ACACA: variants seen among roughly 807,000 people sequenced by gnomAD.
ACACA encodes the protein acetyl-CoA carboxylase 1.
ACACA carries 103 observed loss-of-function variants against 296.1 expected under a neutral mutation model. That is an observed-to-expected ratio of 0.35 (90% CI 0.30 to 0.41). The LOEUF is 0.41. Among genes scored for constraint, ACACA ranks in the 10% least tolerant of loss-of-function variants. ACACA has a pLI of 1.00. For missense variants in ACACA, 1,554 were observed against 2,989.7 expected, an observed-to-expected ratio of 0.52 and a Z score of 11.20; for synonymous variants, 953 against 1,038.6, an observed-to-expected ratio of 0.92 and a Z score of 1.58.
chr17:37,382,798 TG>T (rs2050359289), intron 1 of ACACA, among the ~76,000 whole-genome samples: 1 of 152,124 alleles, frequency 6.6e-6, no homozygotes, highest in Non-Finnish European at 1.5e-5. Flanking sequence ...ATGCAGAGGT[TG>T]TAGGGAGCTG....
At chr17:37,403,399 T>C (rs2051357810) in intron 1 of ACACA, among the ~76,000 whole-genome samples, 1 of 146,710 alleles carries the variant, frequency 6.8e-6, no homozygotes, top group African/African-American at 2.6e-5. Flanking sequence ...TGGTACAGTG[T>C]CTCACTCTGT....
chr17:37,317,498 G>A lies in ACACA; in HGVS notation c.338+12675C>T, dbSNP rs185248189. On this transcript the variant is annotated intron_variant, in intron 3 of 55. Coordinates refer to ENST00000616317, the MANE Select transcript of ACACA (RefSeq NM_198834.3). The stretch of plus-strand genomic sequence containing the variant: ...CGAGAATCGCTTGAACCCGGGAGGC[G>A]GAGGCAGTGAGCCAAGATCATGCCA... 5.3e-5 allele frequency among the ~76,000 whole-genome samples: 8 copies of A among 151,334 alleles called. No homozygotes were observed. The East Asian group carries it at 7.9e-4, about 15-fold the overall frequency.
At chr17:37,119,690 C>T (rs1184708277) in intron 50 of ACACA, among the ~76,000 whole-genome samples, 4 of 151,190 alleles carry the variant, frequency 2.6e-5, no homozygotes, top group Non-Finnish European at 5.9e-5. Context: ...ATACAGGGCT[C>T]TTCCTAGACG....
At chr17:37,322,445 TGATATGG>T (rs1345421411) in intron 3 of ACACA, among the ~76,000 whole-genome samples, 1 of 152,096 alleles carries the variant, frequency 6.6e-6, no homozygotes, top group Non-Finnish European at 1.5e-5. Context: ...CAAATACTAT[TGATATGG>T]GAAGGGGACA....
chr17:37,390,872 T>G (rs1189112167), intron 1 of ACACA, among the ~76,000 whole-genome samples: 1 of 151,702 alleles, frequency 6.6e-6, no homozygotes, highest in Admixed American at 6.6e-5. Flanking sequence ...TAGTCCAGAA[T>G]AGAATTAGAG....
intron 52 of ACACA, 94 bp from the exon 53 acceptor site, chr17:37,098,078 C>T (rs2073100321): frequency 6.7e-7 from 1 of 1,488,224 alleles, no homozygotes; most frequent in Non-Finnish European, 9.4e-7. Flanking sequence ...CAACATCAGC[C>T]TGCCCCCTCT....
intron 39 of ACACA, among the ~76,000 whole-genome samples, chr17:37,181,670 C>T (rs1307099869): frequency 4.6e-5 from 7 of 151,762 alleles, no homozygotes; most frequent in South Asian, 4.2e-4. Context: ...GAGGCCAAGG[C>T]GGGAGGATCA....
chr17:37,357,641 G>A (rs2049204286), intron 1 of ACACA, among the ~76,000 whole-genome samples: 1 of 152,134 alleles, frequency 6.6e-6, no homozygotes, highest in African/African-American at 2.4e-5. Flanking sequence ...CTCCTGTTAT[G>A]CATTCAGTTT....
chr17:37,113,366 T>A lies in ACACA; in HGVS notation c.6275-101A>T. ...CCTCTGGCCACGAAGAGCCTCCTTA[T>A]ACTATGCCTCCTGTTTGGCCACCCT... On this transcript the variant is annotated intron_variant, in intron 50 of 55. Transcript: ENST00000616317. This position sits in a 1 kb window ranked among gnomAD's most constrained non-coding sequence, Gnocchi z 4.0. 1 of 1,270,034 alleles carries A rather than the reference T, an allele frequency of 7.9e-7. No homozygotes were observed. Among genetic ancestry groups the A allele is most frequent in the African/African-American group, 1.5e-5 (1 of 68,370 alleles). 78.7% of individuals were successfully genotyped at this position (1,270,034 alleles called of 1,614,324 possible).
At chr17:37,317,542 G>A (rs781235430) in intron 3 of ACACA, among the ~76,000 whole-genome samples, 2 of 152,104 alleles carry the variant, frequency 1.3e-5, no homozygotes, top group African/African-American at 4.8e-5. Flanking sequence ...CAGCCTGGGC[G>A]ACACAGCAAG....
intron 44 of ACACA, among the ~76,000 whole-genome samples, chr17:37,150,399 G>A (rs915697404): frequency 5.9e-5 from 9 of 151,956 alleles, no homozygotes; most frequent in South Asian, 2.1e-4. Flanking sequence ...AAAATTATCC[G>A]GGCGTCATGG....
At chr17:37,256,692 A>T (rs1257436036) in intron 14 of ACACA, among the ~76,000 whole-genome samples, 1 of 152,206 alleles carries the variant, frequency 6.6e-6, no homozygotes, top group Non-Finnish European at 1.5e-5. Flanking sequence ...TGATGGCACC[A>T]CTGCATTCCA....
chr17:37,262,296 A>G (rs977075899), intron 11 of ACACA, among the ~76,000 whole-genome samples: 2 of 152,312 alleles, frequency 1.3e-5, no homozygotes, highest in Middle Eastern at 3.4e-3. Context: ...AATTTTGTCC[A>G]GTGGAATGTG....
chr17:37,094,727 G>A (rs771487423), intron 54 of ACACA, among the ~76,000 whole-genome samples: 1 of 152,214 alleles, frequency 6.6e-6, no homozygotes, highest in Non-Finnish European at 1.5e-5. Flanking sequence ...TGAGCCTGCC[G>A]AATATGGAAG....
At chr17:37,294,715 G>GA (rs2083245765) in intron 3 of ACACA, among the ~76,000 whole-genome samples, 1 of 152,204 alleles carries the variant, frequency 6.6e-6, no homozygotes, top group Non-Finnish European at 1.5e-5. Context: ...AACTGCGAGA[G>GA]AAAATTCTAA....
chr17:37,332,892 A>G (rs1347636548), intron 2 of ACACA, among the ~76,000 whole-genome samples: 1 of 150,654 alleles, frequency 6.6e-6, no homozygotes, highest in African/African-American at 2.4e-5. Flanking sequence ...CCTGGGTGAC[A>G]GAGTGAGACT....
intron 1 of ACACA, among the ~76,000 whole-genome samples, chr17:37,378,804 G>T (rs2050117193): frequency 6.6e-6 from 1 of 152,180 alleles, no homozygotes; most frequent in African/African-American, 2.4e-5. Flanking sequence ...GCTCATGTCT[G>T]TAATCCCAGC....
chr17:37,185,347 C>T (rs972456671), intron 39 of ACACA, among the ~76,000 whole-genome samples: 5 of 151,422 alleles, frequency 3.3e-5, no homozygotes, highest in African/African-American at 1.2e-4. Context: ...ATACTTCTGC[C>T]TCAGCCTCCT....
chr17:37,130,361 C>T, intron 45 of ACACA, 143 bp from the exon 46 acceptor site: 1 of 982,900 alleles, frequency 1.0e-6, no homozygotes, highest in African/African-American at 1.6e-5. Flanking sequence ...GAGGGACTAT[C>T]TGAATCTTCT....
Sources: allele counts gnomAD v4.1 joint callset (sites outside exome capture counted in the v4.1 genomes callset), GRCh38; gene constraint gnomAD v4.1.1; non-coding constraint Gnocchi (gnomAD v3.1); transcripts MANE v1.5; gene names NCBI Gene and HGNC (gene_info 2026-07-23, HGNC 2026-07-21).